The following RPH3AL variants were observed in gnomAD, a reference collection of about 807,000 sequenced individuals.
RPH3AL encodes the protein rab effector Noc2.
Under a neutral mutation model 43.1 loss-of-function variants are expected in RPH3AL, and 38 were observed. The observed-to-expected ratio is 0.88, with a 90% CI of 0.68 to 1.15. The LOEUF is 1.15. RPH3AL is among the 50% of genes most tolerant of loss of function. RPH3AL has a pLI of 0.00. For missense variants in RPH3AL, 462 were observed against 423.2 expected (o/e 1.09, Z -0.81); for synonymous variants, 189 against 176.3 (o/e 1.07, Z -0.57).
At chr17:291,882 A>G (rs2043056344) in intron 5 of RPH3AL, among the ~76,000 whole-genome samples, 1 of 152,266 alleles carries the variant, frequency 6.6e-6, no homozygotes, top group African/African-American at 2.4e-5. Context: ...GTCTATATAT[A>G]CACAGAGGAC....
chr17:280,977 C>T (rs2042765310), intron 6 of RPH3AL, among the ~76,000 whole-genome samples: 1 of 152,188 alleles, frequency 6.6e-6, no homozygotes, highest in Non-Finnish European at 1.5e-5. Flanking sequence ...CAGCTGCACG[C>T]CTCCTCGCCC....
rs755371981 is a variant in RPH3AL at position 213,901 on chromosome 17, G to A, written c.899C>T (p.Ala300Val). The A allele has an allele frequency of 2.0e-5, 32 of 1,613,338 alleles. No homozygotes were observed. Among genetic ancestry groups the A allele is most frequent in the Non-Finnish European group, 2.6e-5 (31 of 1,179,910 alleles). The change falls in exon 10 of 10, where the codon GCC (alanine) becomes GTC (valine). Residue 300 changes from alanine (A) to valine (V), a missense_variant. Transcript: ENST00000331302. ...RAPVKDTPGRAPAADAAPAGP... is the reference protein window; with the variant it reads ...RAPVKDTPGRVPAADAAPAGP... ...TGCTGGAGCTGCGTCAGCAGCGGGG[G>A]CTCGTCCAGGTGTGTCTTTTACCTT...
At chr17:321,689 C>A (rs570399601) in intron 3 of RPH3AL, 257 of 413,842 alleles carry the variant, frequency 6.2e-4, no homozygotes, top group Middle Eastern at 1.9e-3. Context: ...TGCTGTGTGC[C>A]GGGGACAAGG....
intron 5 of RPH3AL, among the ~76,000 whole-genome samples, chr17:284,506 C>T: frequency 6.6e-6 from 1 of 152,102 alleles, no homozygotes; most frequent in Admixed American, 6.5e-5. Flanking sequence ...CAAAGCTTTG[C>T]TGGGGTCGTG....
At chr17:316,634 C>T (rs1555520847) in intron 5 of RPH3AL, among the ~76,000 whole-genome samples, 43 of 149,084 alleles carry the variant, frequency 2.9e-4, no homozygotes, top group African/African-American at 1.0e-3. Context: ...CTGTACTCCA[C>T]CTCCATTGAC....
intron 8 of RPH3AL, among the ~76,000 whole-genome samples, chr17:219,198 T>TTTTTTG (rs2040887976): frequency 7.6e-6 from 1 of 132,006 alleles, no homozygotes; most frequent in African/African-American, 2.9e-5. Flanking sequence ...AGCACTTTTT[T>TTTTTTG]TTTTTTTTTT....
At chr17:305,415 G>A (rs1213107285) in intron 5 of RPH3AL, among the ~76,000 whole-genome samples, 1 of 152,032 alleles carries the variant, frequency 6.6e-6, no homozygotes, top group African/African-American at 2.4e-5. Context: ...GGGAGGGAAG[G>A]GCTACTCCAC....
At chr17:330,339 G>A (rs971985790) in intron 2 of RPH3AL, among the ~76,000 whole-genome samples, 7 of 152,186 alleles carry the variant, frequency 4.6e-5, no homozygotes, top group East Asian at 1.9e-4. Flanking sequence ...TCCCATGGCC[G>A]GGCCCAGATC....
chr17:301,577 C>CTGCTACTTGGTGG (rs1567627818), intron 5 of RPH3AL, among the ~76,000 whole-genome samples: 1 of 152,066 alleles, frequency 6.6e-6, no homozygotes, highest in Non-Finnish European at 1.5e-5. Context: ...GTAGCTGGGA[C>CTGCTACTTGGTGG]TGCAGGGGCA....
intron 7 of RPH3AL, among the ~76,000 whole-genome samples, chr17:222,836 C>G (rs2041023535): frequency 6.6e-6 from 1 of 152,176 alleles, no homozygotes; most frequent in African/African-American, 2.4e-5. Context: ...CTCTTGGTTT[C>G]CACAGTTGTC....
rs1221497465 is a variant in RPH3AL, at chr17:225,471, T to A, written c.614-5735A>T. ...ACTGATGAGATGCCAACCTCATGGGTCCCATGAAAAAGGGATAGGAGGAGG... is the reference window on the plus strand; with the variant it reads ...ACTGATGAGATGCCAACCTCATGGGACCCATGAAAAAGGGATAGGAGGAGG... On this transcript the variant is annotated intron_variant, in intron 7 of 9. Coordinates refer to ENST00000331302, the MANE Select transcript of RPH3AL (RefSeq NM_006987.4). The surrounding 1 kb of genome is among the most constrained non-coding windows in gnomAD (Gnocchi z 4.4). 6.6e-6 allele frequency among the ~76,000 whole-genome samples: 1 copy of A among 151,952 alleles called. No homozygotes were observed. The highest frequency in any genetic ancestry group is 1.9e-4 in the East Asian group (1 of 5,164).
intron 5 of RPH3AL, among the ~76,000 whole-genome samples, chr17:314,144 A>G (rs1199403146): frequency 6.6e-6 from 1 of 152,210 alleles, no homozygotes. Context: ...TTGCACAGCC[A>G]CACCAGCAGC....
intron 1 of RPH3AL, among the ~76,000 whole-genome samples, chr17:343,675 A>G (rs777613039): frequency 1.2e-4 from 18 of 152,172 alleles, no homozygotes; most frequent in Non-Finnish European, 2.1e-4. Flanking sequence ...TTTGTCCCCC[A>G]AGAGACATTT....
Position 334,889 on chromosome 17 carries a change from G to C in RPH3AL, c.-212-955C>G, listed in dbSNP as rs2044907839. On this transcript the variant is annotated intron_variant, in intron 1 of 9. Transcript: ENST00000331302. ...ATCCACTGCGGAGGGACAGGGACAGGGACAAGGCAACCACCCCAGCAAGTG... is the reference window on the plus strand; with the variant it reads ...ATCCACTGCGGAGGGACAGGGACAGCGACAAGGCAACCACCCCAGCAAGTG... 2.6e-5 allele frequency among the ~76,000 whole-genome samples: 4 copies of C among 151,874 alleles called. 1 individual carries two copies. The highest frequency in any genetic ancestry group is 9.7e-5 in the African/African-American group (4 of 41,374).
At chr17:249,205 G>A (rs567133105) in intron 6 of RPH3AL, among the ~76,000 whole-genome samples, 26 of 152,196 alleles carry the variant, frequency 1.7e-4, no homozygotes, top group Admixed American at 6.5e-4. Context: ...GCCTGTAAAC[G>A]AACACTTTGC....
At chr17:261,132 A>C (rs1387608275) in intron 6 of RPH3AL, among the ~76,000 whole-genome samples, 2 of 152,200 alleles carry the variant, frequency 1.3e-5, no homozygotes, top group East Asian at 3.8e-4. Context: ...ACACCCATCC[A>C]AATTGCAAGG....
chr17:247,487 T>C, intron 6 of RPH3AL: 1 of 524,844 alleles, frequency 1.9e-6, no homozygotes, highest in Non-Finnish European at 3.3e-6. Context: ...CAAACCTTCT[T>C]TCTCTCCCTT....
At chr17:244,646 G>A (rs1194780072) in intron 7 of RPH3AL, among the ~76,000 whole-genome samples, 2 of 152,158 alleles carry the variant, frequency 1.3e-5, no homozygotes, top group African/African-American at 4.8e-5. Flanking sequence ...CAGCCTCCGA[G>A]TATCTCCTGG....
chr17:314,254 G>A (rs911806441), intron 5 of RPH3AL, among the ~76,000 whole-genome samples: 4 of 152,152 alleles, frequency 2.6e-5, no homozygotes, highest in Non-Finnish European at 5.9e-5. Flanking sequence ...CACAGGCCAG[G>A]CTCTGTGCCT....
Sources: gnomAD v4.1 joint callset for allele counts (sites outside exome capture counted in the v4.1 genomes callset) on GRCh38, gnomAD v4.1.1 for gene constraint, Gnocchi (gnomAD v3.1) non-coding constraint, MANE v1.5 for transcripts, NCBI Gene and HGNC (gene_info 2026-07-23, HGNC 2026-07-21) for gene names.